The following HS6ST3 variants were observed in gnomAD, a reference collection of about 807,000 sequenced individuals.
HS6ST3 encodes heparan-sulfate 6-O-sulfotransferase 3.
Under a neutral mutation model 36.7 loss-of-function variants are expected in HS6ST3, and 12 were observed. That is an observed-to-expected ratio of 0.33 (90% CI 0.21 to 0.53). HS6ST3 has a LOEUF of 0.53. Ranked by LOEUF, HS6ST3 falls within the 20% of genes least tolerant of loss-of-function variation. The pLI, the probability that HS6ST3 is intolerant of heterozygous loss-of-function variation, is 0.95. For missense variants in HS6ST3, 584 were observed against 640.9 expected (o/e 0.91, Z 0.96); for synonymous variants, 240 against 257.5 (o/e 0.93, Z 0.65).
In HS6ST3 at chr13:96,260,034, A is replaced by G. The variant is rs527246639; in HGVS notation, c.707+168465A>G. Among the ~76,000 whole-genome samples, 14 of 152,190 alleles carry G rather than the reference A, an allele frequency of 9.2e-5. No individual in the cohort carries two copies. In the South Asian group the frequency reaches 2.7e-3, roughly 29 times the overall value. On this transcript the variant is annotated intron_variant, in intron 1 of 1. Transcript: ENST00000376705. ...CTTCTGAATTCTGTAGAAACACAAA[A>G]TGAGTCAATAATCAGAGCCTTCTAT...
In HS6ST3 at chr13:96,670,297, G is replaced by A. The variant is rs141110788; in HGVS notation, c.708-162193G>A. 1.2e-3 allele frequency among the ~76,000 whole-genome samples: 182 copies of A among 152,210 alleles called. 1 individual carries two copies. The highest frequency in any genetic ancestry group is 2.1e-3 in the Non-Finnish European group (143 of 68,002). On this transcript the variant is annotated intron_variant, in intron 1 of 1. Transcript: ENST00000376705. Reference sequence around the variant, plus strand: ...GCCTTGGCAAAAGCATTTTTAGTAGGTAATAGGGACAAAAGTCTGTTTGAG... The same window carrying A: ...GCCTTGGCAAAAGCATTTTTAGTAGATAATAGGGACAAAAGTCTGTTTGAG...
At chr13:96,260,229 CCCTTCCTTCCTTCCTTCCTTCCTT>C (rs71681344) in intron 1 of HS6ST3, among the ~76,000 whole-genome samples, 3 of 143,400 alleles carry the variant, frequency 2.1e-5, no homozygotes, top group Admixed American at 7.0e-5. Context: ...TTTATTTTTT[CCCTTCCTTCCTTCCTTCCTTCCTT>C]CCTTCCTTCC....
At chr13:96,204,850 G>A (rs1417432221) in intron 1 of HS6ST3, among the ~76,000 whole-genome samples, 1 of 152,140 alleles carries the variant, frequency 6.6e-6, no homozygotes, top group Non-Finnish European at 1.5e-5. Flanking sequence ...GCAGAGTTAA[G>A]AGAGAAATTT....
chr13:96,537,302 G>A (rs1337309341), intron 1 of HS6ST3, among the ~76,000 whole-genome samples: 1 of 152,144 alleles, frequency 6.6e-6, no homozygotes. Context: ...CCACCCCTAT[G>A]ATTCAGTTAT....
At chr13:96,791,988 A>G (rs1877802946) in intron 1 of HS6ST3, among the ~76,000 whole-genome samples, 1 of 152,102 alleles carries the variant, frequency 6.6e-6, no homozygotes, top group Admixed American at 6.6e-5. Flanking sequence ...ACATTGCATT[A>G]TATATGAATG....
At chr13:96,277,273 A>G (rs902543419) in intron 1 of HS6ST3, among the ~76,000 whole-genome samples, 3 of 152,126 alleles carry the variant, frequency 2.0e-5, no homozygotes, top group African/African-American at 7.2e-5. Flanking sequence ...CTTACCTGTG[A>G]CGTTATGGTT....
chr13:96,473,019 A>AT (rs1286663821), intron 1 of HS6ST3, among the ~76,000 whole-genome samples: 3 of 152,172 alleles, frequency 2.0e-5, no homozygotes, highest in African/African-American at 7.2e-5. Context: ...TATATTTAGT[A>AT]TGACAAGCAC....
At chr13:96,208,087 AT>A (rs1255745994) in intron 1 of HS6ST3, among the ~76,000 whole-genome samples, 1 of 152,186 alleles carries the variant, frequency 6.6e-6, no homozygotes, top group Non-Finnish European at 1.5e-5. Flanking sequence ...GTTGCTTTAT[AT>A]TTTTGAACAT....
At chr13:96,183,725 C>T (rs1012224443) in intron 1 of HS6ST3, among the ~76,000 whole-genome samples, 1 of 152,082 alleles carries the variant, frequency 6.6e-6, no homozygotes, top group African/African-American at 2.4e-5. Flanking sequence ...CTGGAATAGT[C>T]AAATTCATGG....
intron 1 of HS6ST3, among the ~76,000 whole-genome samples, chr13:96,761,420 T>A (rs1261038569): frequency 2.0e-5 from 3 of 152,212 alleles, no homozygotes; most frequent in Admixed American, 1.3e-4. Context: ...GTTACGTATC[T>A]CCTACCTTTG....
chr13:96,383,008 A>C (rs1338302458), intron 1 of HS6ST3, among the ~76,000 whole-genome samples: 1 of 152,220 alleles, frequency 6.6e-6, no homozygotes, highest in Non-Finnish European at 1.5e-5. Context: ...AGCTTTCTGA[A>C]TCTACAGACT....
Position 96,402,951 on chromosome 13 carries a change from A to T in HS6ST3, c.707+311382A>T, listed in dbSNP as rs74470608. Among the ~76,000 whole-genome samples the T allele has an allele frequency of 3.1e-3, 473 of 152,296 alleles. 3 individuals carry two copies. Among genetic ancestry groups the T allele is most frequent in the African/African-American group, 0.011 (449 of 41,564 alleles). On this transcript the variant is annotated intron_variant, in intron 1 of 1. Coordinates refer to ENST00000376705, the MANE Select transcript of HS6ST3 (RefSeq NM_153456.4). The stretch of plus-strand genomic sequence containing the variant: ...CCTAGGAGTAGAATCACTGGCGTGT[A>T]GGATAGCTTTGAAAGAAACAGTATA...
chr13:96,598,592 T>G (rs766900204), intron 1 of HS6ST3, among the ~76,000 whole-genome samples: 6 of 152,086 alleles, frequency 3.9e-5, no homozygotes, highest in Non-Finnish European at 7.4e-5. Context: ...CTTTAGGTTT[T>G]TCTAGGTATA....
chr13:96,461,962 A>G (rs904136351), intron 1 of HS6ST3, among the ~76,000 whole-genome samples: 10 of 152,248 alleles, frequency 6.6e-5, no homozygotes, highest in African/African-American at 2.4e-4. Context: ...CTAACAAGAG[A>G]GTGTATAATG....
intron 1 of HS6ST3, chr13:96,574,261 T>C (rs539783939): frequency 4.7e-6 from 2 of 421,378 alleles, no homozygotes; most frequent in African/African-American, 2.1e-5. Flanking sequence ...TAGGGGTCCA[T>C]GGGATTTAAA....
intron 1 of HS6ST3, among the ~76,000 whole-genome samples, chr13:96,625,673 T>C (rs111899464): frequency 0.011 from 1,668 of 152,202 alleles, 32 homozygotes; most frequent in African/African-American, 0.037. Flanking sequence ...ATATGTTAGT[T>C]TGTGAAATGC....
intron 1 of HS6ST3, among the ~76,000 whole-genome samples, chr13:96,352,974 G>C (rs895037660): frequency 2.6e-5 from 4 of 151,606 alleles, no homozygotes; most frequent in Non-Finnish European, 5.9e-5. Flanking sequence ...AACCCAGGCT[G>C]TGTGGCTCTA....
At chr13:96,260,793 C>T (rs375489585) in intron 1 of HS6ST3, among the ~76,000 whole-genome samples, 7 of 152,128 alleles carry the variant, frequency 4.6e-5, no homozygotes, top group East Asian at 3.9e-4. Context: ...GCACGCACCA[C>T]CACACCTAGC....
chr13:96,511,129 C>A (rs1368032166), intron 1 of HS6ST3, among the ~76,000 whole-genome samples: 1 of 152,080 alleles, frequency 6.6e-6, no homozygotes, highest in Non-Finnish European at 1.5e-5. Flanking sequence ...CCTTACCCAC[C>A]TTTTCTACAT....
Sources: gnomAD v4.1 joint callset for allele counts (sites outside exome capture counted in the v4.1 genomes callset) on GRCh38, gnomAD v4.1.1 for gene constraint, MANE v1.5 for transcripts, NCBI Gene and HGNC (gene_info 2026-07-23, HGNC 2026-07-21) for gene names.